Variants in ZAN observed in about 807,000 individuals in gnomAD.
ZAN encodes the protein zonadhesin (gene/pseudogene).
ZAN carries 260 observed loss-of-function variants against 286.2 expected under a neutral mutation model. The ratio of observed to expected loss-of-function variants is 0.91; its 90% CI spans 0.82 to 1.01. ZAN has a LOEUF of 1.01. Among genes scored for constraint, ZAN ranks in the 50% least tolerant of loss-of-function variants. The pLI, the probability that ZAN is intolerant of heterozygous loss-of-function variation, is 0.00. For synonymous variants in ZAN, 1,368 were observed against 1,417.5 expected (o/e 0.97, Z 0.79); for missense variants, 3,410 against 3,639.2 (o/e 0.94, Z 1.62).
intron 3 of ZAN, 83 bp from the exon 4 acceptor site, chr7:100,736,400 A>T: frequency 7.2e-7 from 1 of 1,385,682 alleles, no homozygotes; most frequent in Non-Finnish European, 1.0e-6. Context: ...AAGTGTAGCA[A>T]TCTTGCTACT....
chr7:100,747,106 G>A (rs926006777), intron 8 of ZAN, among the ~76,000 whole-genome samples: 3 of 150,984 alleles, frequency 2.0e-5, no homozygotes, highest in African/African-American at 7.3e-5. Context: ...AGTTGTGCTG[G>A]CCTGGCACAG....
At chr7:100,770,039 G>C in intron 28 of ZAN, 65 bp downstream of exon 28, 6 of 1,453,836 alleles carry the variant, frequency 4.1e-6, no homozygotes, top group Non-Finnish European at 5.6e-6. Context: ...AGGGAGTCTA[G>C]TCAGGGAGGG....
intron 26 of ZAN, among the ~76,000 whole-genome samples, chr7:100,768,315 T>C (rs1810140317): frequency 6.6e-6 from 1 of 152,022 alleles, no homozygotes. Flanking sequence ...CTACTAAAAA[T>C]ACAAAAATTA....
rs1360723271 is a variant in ZAN, at chr7:100,736,873, C to T, written c.318C>T (p.Ser106=). Residue 106 remains serine (S), a synonymous_variant, in exon 5 of 48, where the codon AGC becomes AGT. Coordinates refer to ENST00000613979, the MANE Select transcript of ZAN (RefSeq NM_003386.3). The stretch of plus-strand genomic sequence containing the variant: ...GTGGGGGAGTGGCCCGCCTGCTCAG[C>T]CCCGACCTATGGGAGCAAGGCCCCC... ...FHRGGVARLL[S]PDLWEQGPLC... 3 of 1,485,718 alleles carry T rather than the reference C, an allele frequency of 2.0e-6. 1 individual carries two copies. Among genetic ancestry groups the T allele is most frequent in the Middle Eastern group, 1.7e-4 (1 of 5,924 alleles). 92.0% of individuals were successfully genotyped at this position (1,485,718 alleles called of 1,614,324 possible). A position where few individuals can be genotyped will look rare whatever the true frequency, so the allele number is the denominator to read the frequency against.
intron 19 of ZAN, among the ~76,000 whole-genome samples, chr7:100,761,058 G>C (rs1311566072): frequency 6.6e-6 from 1 of 152,060 alleles, no homozygotes; most frequent in East Asian, 1.9e-4. Context: ...ACCATGCCCA[G>C]CTAATTTTTG....
intron 12 of ZAN, 37 bp downstream of exon 12, chr7:100,750,933 T>C (rs759828435): frequency 6.6e-7 from 1 of 1,516,430 alleles, no homozygotes; most frequent in Non-Finnish European, 8.8e-7. Context: ...CTGTGTGAGG[T>C]GAGAGGGCCA....
chr7:100,750,805 C>G lies in ZAN; in HGVS notation c.1430C>G (p.Pro477Arg). ...LLLGSPAGSP[P>R]IPLWKRVGSQ... is the part of the protein sequence containing the mutation. ...CTGGGAAGTCCTGCGGGGAGTCCCC[C>G]GATTCCTCTCTGGAAACGCGTGGGG... is the stretch of plus-strand genomic sequence containing the variant. Residue 477 changes from proline (P) to arginine (R), a missense_variant, in exon 12 of 48, where the codon CCG (proline) becomes CGG (arginine). Pro to Arg is a moderately radical substitution (Grantham distance 103, BLOSUM62 -2). Coordinates refer to ENST00000613979, the MANE Select transcript of ZAN (RefSeq NM_003386.3). The G allele has an allele frequency of 6.2e-7, 1 of 1,608,864 alleles. No individual in the cohort carries two copies. The highest frequency in any genetic ancestry group is 8.5e-7 in the Non-Finnish European group (1 of 1,176,524).
At chr7:100,753,832 TAAAAAAAAAA>T (rs59347418) in intron 14 of ZAN, among the ~76,000 whole-genome samples, 1 of 73,174 alleles carries the variant, frequency 1.4e-5, no homozygotes, top group Non-Finnish European at 2.5e-5. Flanking sequence ...GACATCGTCC[TAAAAAAAAAA>T]AAAAAAAAAA....
At chr7:100,797,095 G>A (rs1812410168) in intron 45 of ZAN, among the ~76,000 whole-genome samples, 1 of 152,034 alleles carries the variant, frequency 6.6e-6, no homozygotes, top group South Asian at 2.1e-4. Flanking sequence ...AGCTATGATC[G>A]CACCACTGCA....
intron 7 of ZAN, among the ~76,000 whole-genome samples, chr7:100,739,151 G>A (rs542659055): frequency 7.4e-6 from 1 of 134,436 alleles, no homozygotes; most frequent in Non-Finnish European, 1.6e-5. Context: ...AGCTGAGACT[G>A]CAGGCGTGCA....
chr7:100,734,345 C>G, intron 2 of ZAN, 124 bp downstream of exon 2: 1 of 637,582 alleles, frequency 1.6e-6, no homozygotes, highest in Non-Finnish European at 2.5e-6. Context: ...AGAGGCCAGG[C>G]ACGGTGGCTC....
At chr7:100,786,898 T>A (rs1359229243) in intron 37 of ZAN, among the ~76,000 whole-genome samples, 2 of 151,988 alleles carry the variant, frequency 1.3e-5, no homozygotes, top group Non-Finnish European at 1.5e-5. Flanking sequence ...CAAAAAATTT[T>A]AAAATTTTAA....
At position 100,765,553 on chromosome 7, in the gene ZAN, A is replaced by G. The variant is rs1809905671; in HGVS notation, c.4469A>G (p.Lys1490Arg). The change falls in exon 23 of 48, where the codon AAG becomes AGG. Residue 1490 changes from lysine (K) to arginine (R), a missense_variant and splice_region_variant. Physicochemically the swap from Lys to Arg is conservative, Grantham distance 26. Around this residue, in one of 7 missense-constraint regions of ZAN, gnomAD observed 1,042 missense variants for 1,058.0 expected, o/e 0.98. Coordinates refer to ENST00000613979, the MANE Select transcript of ZAN (RefSeq NM_003386.3). ...CTCCACCCTGCAGGCAGCTACTTCA[A>G]GGTGAGCGGCTGCGTGGACCTCTCA... ...GCLHPAGSYF[K>R]VGERWYKPGC... is the part of the protein sequence containing the mutation. 6.3e-7 allele frequency: 1 copy of G among 1,598,994 alleles called. No homozygotes were observed. The highest frequency in any genetic ancestry group is 1.3e-5 in the African/African-American group (1 of 74,560).
chr7:100,750,554 GC>G (rs1285394600), intron 11 of ZAN, 70 bp from the exon 12 acceptor site: 29 of 1,540,346 alleles, frequency 1.9e-5, no homozygotes, highest in Middle Eastern at 1.7e-4. Context: ...AGAAAGCAAA[GC>G]TTTGCTAAAG....
At chr7:100,753,831 CTA>C (rs1491298289) in intron 14 of ZAN, among the ~76,000 whole-genome samples, 2 of 103,168 alleles carry the variant, frequency 1.9e-5, no homozygotes, top group African/African-American at 6.9e-5. Context: ...AGACATCGTC[CTA>C]AAAAAAAAAA....
In ZAN at chr7:100,773,858, G is replaced by A. The variant is rs1451981125; in HGVS notation, c.5772G>A (p.Arg1924=). The A allele has an allele frequency of 5.0e-6, 8 of 1,604,848 alleles. No homozygotes were observed. The East Asian group carries it at 1.3e-4, about 27-fold the overall frequency. ...CCCTGGATGGGCTGCTCCATTGTCG[G>A]GCCTCAGGTAGGAGGACCACGGTGA... The part of the protein sequence containing the change: ...CWALDGLLHC[R]ASGVGVCQLP... Residue 1924 remains arginine, a synonymous_variant, in exon 31 of 48, where the codon CGG becomes CGA. Coordinates refer to ENST00000613979, the MANE Select transcript of ZAN (RefSeq NM_003386.3).
rs143765639 is a variant in ZAN, at chr7:100,747,798, C to T, written c.1023+157C>T. Among the ~76,000 whole-genome samples the T allele has an allele frequency of 9.9e-4, 151 of 151,924 alleles. 3 individuals carry two copies. In the East Asian group the frequency reaches 0.027, roughly 28 times the overall value. On this transcript the variant is annotated intron_variant, in intron 9 of 47. Coordinates refer to ENST00000613979, the MANE Select transcript of ZAN (RefSeq NM_003386.3). ...TTCAGGACAGGAGTTCAAGACCAGCCTGGGCAACATAGAAAGACCCCATCT... is the reference window on the plus strand; with the variant it reads ...TTCAGGACAGGAGTTCAAGACCAGCTTGGGCAACATAGAAAGACCCCATCT...
chr7:100,745,332 G>A (rs570187953), intron 7 of ZAN, among the ~76,000 whole-genome samples: 3 of 151,612 alleles, frequency 2.0e-5, no homozygotes, highest in Non-Finnish European at 4.4e-5. Flanking sequence ...CCTTCGGCAG[G>A]AGTGAGCGCG....
chr7:100,748,134 C>T lies in ZAN; in HGVS notation c.1024-3C>T. On this transcript the variant is annotated splice_polypyrimidine_tract_variant and splice_region_variant and intron_variant, in intron 9 of 47. Coordinates refer to ENST00000613979, the MANE Select transcript of ZAN (RefSeq NM_003386.3). Reference sequence around the variant, plus strand: ...CTCCTGCTCCATCTCCCTTTCTCTCCAGTTTGCCGTGGTAGGCGTTTTTGG... The same window carrying T: ...CTCCTGCTCCATCTCCCTTTCTCTCTAGTTTGCCGTGGTAGGCGTTTTTGG... 5 of 1,613,614 alleles carry T rather than the reference C, an allele frequency of 3.1e-6. No homozygotes were observed. The highest frequency in any genetic ancestry group is 4.2e-6 in the Non-Finnish European group (5 of 1,179,726).
Sources: gnomAD v4.1 joint callset for allele counts (sites outside exome capture counted in the v4.1 genomes callset) on GRCh38, gnomAD v4.1.1 for gene constraint, gnomAD v4.1.1 regional missense constraint, MANE v1.5 for transcripts, NCBI Gene and HGNC (gene_info 2026-07-23, HGNC 2026-07-21) for gene names.